The following TSPAN5 variants were observed in gnomAD, a reference collection of about 807,000 sequenced individuals.
The protein encoded by TSPAN5 is tetraspanin-5.
Under a neutral mutation model 37.1 loss-of-function variants are expected in TSPAN5, and 10 were observed. The observed-to-expected ratio is 0.27, with a 90% CI of 0.17 to 0.46. The LOEUF (loss-of-function observed/expected upper bound fraction) is 0.46. Among genes scored for constraint, TSPAN5 ranks in the 20% least tolerant of loss-of-function variants. The pLI is 1.00. For synonymous variants in TSPAN5, 110 were observed against 118.9 expected (o/e 0.93, Z 0.48); for missense variants, 195 against 326.6 (o/e 0.60, Z 3.11).
intron 1 of TSPAN5, among the ~76,000 whole-genome samples, chr4:98,582,017 T>A (rs1755379511): frequency 6.6e-6 from 1 of 152,110 alleles, no homozygotes; most frequent in South Asian, 2.1e-4. Context: ...TCCTTGTCTA[T>A]GAGGAACATC....
chr4:98,570,225 T>TA (rs879739567), intron 1 of TSPAN5, among the ~76,000 whole-genome samples: 3 of 152,036 alleles, frequency 2.0e-5, no homozygotes, highest in Non-Finnish European at 2.9e-5. Flanking sequence ...CTATAAGTGG[T>TA]AAAAAACAAA....
rs115584295 is a variant in TSPAN5 at position 98,509,498 on chromosome 4, A to C, written c.82-1770T>G. Reference sequence around the variant, plus strand: ...CCGAAGCTCTCGACACTCATCTGACATTGAAGCAAGACAACACACAATACA... The same window carrying C: ...CCGAAGCTCTCGACACTCATCTGACCTTGAAGCAAGACAACACACAATACA... On this transcript the variant is annotated intron_variant, in intron 1 of 7. Transcript: ENST00000305798. Among the ~76,000 whole-genome samples the C allele has an allele frequency of 5.5e-3, 841 of 152,320 alleles. 8 individuals carry two copies. The highest frequency in any genetic ancestry group is 0.019 in the African/African-American group (797 of 41,576).
chr4:98,511,562 G>A (rs1055612522), intron 1 of TSPAN5, among the ~76,000 whole-genome samples: 7 of 152,120 alleles, frequency 4.6e-5, no homozygotes, highest in African/African-American at 1.4e-4. Context: ...ATATGCAGTT[G>A]GCTGTTAACT....
At chr4:98,529,546 C>T (rs1438742103) in intron 1 of TSPAN5, among the ~76,000 whole-genome samples, 1 of 152,200 alleles carries the variant, frequency 6.6e-6, no homozygotes, top group Admixed American at 6.5e-5. Context: ...AACACCATAT[C>T]GTCACTTTCC....
chr4:98,526,483 G>A (rs1753965585), intron 1 of TSPAN5, among the ~76,000 whole-genome samples: 1 of 152,168 alleles, frequency 6.6e-6, no homozygotes, highest in South Asian at 2.1e-4. Context: ...GGCTTCAGTG[G>A]GCAGGACATC....
intron 1 of TSPAN5, among the ~76,000 whole-genome samples, 178 bp from the exon 2 acceptor site, chr4:98,507,906 A>G (rs1334702804): frequency 6.6e-6 from 1 of 152,234 alleles, no homozygotes; most frequent in African/African-American, 2.4e-5. Context: ...AAATTTTTAC[A>G]GCATTAAGAA....
At chr4:98,508,686 G>A (rs1753531101) in intron 1 of TSPAN5, among the ~76,000 whole-genome samples, 1 of 151,842 alleles carries the variant, frequency 6.6e-6, no homozygotes, top group African/African-American at 2.4e-5. Flanking sequence ...CACCATGCCT[G>A]GCTAATTTTT....
At chr4:98,635,914 A>C (rs1239046430) in intron 1 of TSPAN5, among the ~76,000 whole-genome samples, 1 of 152,250 alleles carries the variant, frequency 6.6e-6, no homozygotes, top group African/African-American at 2.4e-5. Context: ...CTCCCTAAAT[A>C]ATAGGGTAGG....
At chr4:98,521,490 TG>T (rs1377918072) in intron 1 of TSPAN5, among the ~76,000 whole-genome samples, 1 of 152,234 alleles carries the variant, frequency 6.6e-6, no homozygotes, top group African/African-American at 2.4e-5. Context: ...CTCTGGTTCC[TG>T]GCATTGCTGT....
At chr4:98,645,608 G>A (rs1406456526) in intron 1 of TSPAN5, among the ~76,000 whole-genome samples, 1 of 152,188 alleles carries the variant, frequency 6.6e-6, no homozygotes, top group African/African-American at 2.4e-5. Context: ...AACCATGCAG[G>A]TGGTTTACAA....
chr4:98,503,566 C>A (rs372344238), intron 2 of TSPAN5, among the ~76,000 whole-genome samples: 1 of 152,146 alleles, frequency 6.6e-6, no homozygotes, highest in African/African-American at 2.4e-5. Context: ...GATTCTAATT[C>A]GGTGGAATGA....
At chr4:98,503,039 A>T (rs146452241) in intron 2 of TSPAN5, among the ~76,000 whole-genome samples, 1 of 152,010 alleles carries the variant, frequency 6.6e-6, no homozygotes, top group South Asian at 2.1e-4. Flanking sequence ...AGCTGAAATC[A>T]AGCTGGGCGG....
At chr4:98,588,013 T>C (rs1466799376) in intron 1 of TSPAN5, among the ~76,000 whole-genome samples, 1 of 152,224 alleles carries the variant, frequency 6.6e-6, no homozygotes, top group South Asian at 2.1e-4. Flanking sequence ...ACTACACTTC[T>C]TGCCCTGTCC....
intron 1 of TSPAN5, among the ~76,000 whole-genome samples, chr4:98,635,360 G>GC (rs1353305044): frequency 2.0e-5 from 3 of 152,146 alleles, no homozygotes; most frequent in Non-Finnish European, 4.4e-5. Context: ...ACAAGCCTGG[G>GC]CCTGATAGTA....
intron 1 of TSPAN5, among the ~76,000 whole-genome samples, chr4:98,616,241 G>C (rs1432166078): frequency 1.3e-5 from 2 of 151,996 alleles, no homozygotes; most frequent in Admixed American, 6.6e-5. Flanking sequence ...AAACCTCATA[G>C]AAAAGGAATT....
intron 1 of TSPAN5, among the ~76,000 whole-genome samples, chr4:98,531,184 T>G (rs1240482717): frequency 6.6e-6 from 1 of 152,208 alleles, no homozygotes; most frequent in Non-Finnish European, 1.5e-5. Context: ...ACCTGTCACC[T>G]ACATTAGGTA....
intron 1 of TSPAN5, among the ~76,000 whole-genome samples, chr4:98,649,039 A>G (rs1757127337): frequency 6.6e-6 from 1 of 152,220 alleles, no homozygotes. Flanking sequence ...CTTCCCATGC[A>G]TGGAGAGATT....
intron 1 of TSPAN5, among the ~76,000 whole-genome samples, chr4:98,651,624 G>A (rs1350418694): frequency 6.6e-6 from 1 of 151,996 alleles, no homozygotes; most frequent in Non-Finnish European, 1.5e-5. Context: ...TTTTCCTATT[G>A]GTTTAATGTT....
At chr4:98,565,843 A>T (rs955894281) in intron 1 of TSPAN5, among the ~76,000 whole-genome samples, 5 of 152,240 alleles carry the variant, frequency 3.3e-5, no homozygotes, top group Admixed American at 6.5e-5. Context: ...AGACAAGAAC[A>T]GATGCTGCTG....
Sources: allele counts gnomAD v4.1 joint callset (sites outside exome capture counted in the v4.1 genomes callset), GRCh38; gene constraint gnomAD v4.1.1; transcripts MANE v1.5; gene names NCBI Gene and HGNC (gene_info 2026-07-23, HGNC 2026-07-21).